Variants in DDX27 observed in about 807,000 individuals in gnomAD.
DDX27 encodes the protein probable ATP-dependent RNA helicase DDX27.
In DDX27, 42 loss-of-function variants were observed where a neutral mutation model predicts 99.3. The observed-to-expected ratio is 0.42, with a 90% CI of 0.33 to 0.55. DDX27 has a LOEUF of 0.55. Ranked by LOEUF, DDX27 falls within the 20% of genes least tolerant of loss-of-function variation. DDX27 has a pLI of 0.07. For missense variants in DDX27, 798 were observed against 976.8 expected (o/e 0.82, Z 2.44); for synonymous variants, 329 against 353.8 (o/e 0.93, Z 0.79).
intron 1 of DDX27, among the ~76,000 whole-genome samples, chr20:49,220,943 G>A (rs1254068503): frequency 1.3e-5 from 2 of 152,044 alleles, no homozygotes; most frequent in Non-Finnish European, 2.9e-5. Context: ...TCCTCTTCAT[G>A]ACCAACACTC....
At chr20:49,227,577 G>T (rs1012032325) in intron 7 of DDX27, among the ~76,000 whole-genome samples, 1 of 152,068 alleles carries the variant, frequency 6.6e-6, no homozygotes, top group African/African-American at 2.4e-5. Context: ...ATGTTGGCCA[G>T]GCTGGTCTCG....
At chr20:49,222,403 G>A (rs1979721662) in intron 2 of DDX27, among the ~76,000 whole-genome samples, 1 of 152,050 alleles carries the variant, frequency 6.6e-6, no homozygotes, top group South Asian at 2.1e-4. Context: ...TCTGCCTCCT[G>A]GGTTCAAGCG....
At position 49,223,310 on chromosome 20, in the gene DDX27, G is replaced by A. The variant is rs765977232; in HGVS notation, c.343G>A (p.Ala115Thr). ...KSGKLEKEKE[A>T]KEGSEPKEQE... ...TGGGAAGTTGGAAAAGGAGAAAGAA[G>A]CAAAGGAAGGCTCTGAACCAAAGGA... The change falls in exon 4 of 21, where the codon GCA becomes ACA. Residue 115 changes from alanine to threonine, a missense_variant. Transcript: ENST00000618172. 1.2e-6 allele frequency: 2 copies of A among 1,613,594 alleles called. No individual in the cohort carries two copies. Among genetic ancestry groups the A allele is most frequent in the South Asian group, 1.1e-5 (1 of 90,976 alleles).
chr20:49,231,035 C>T (rs1980092542), intron 9 of DDX27: 1 of 152,418 alleles, frequency 6.6e-6, no homozygotes, highest in Non-Finnish European at 1.5e-5. Flanking sequence ...CGCCTGTCGA[C>T]ACAGCCTGGC....
intron 14 of DDX27, among the ~76,000 whole-genome samples, chr20:49,237,058 G>A (rs1253214073): frequency 6.6e-6 from 1 of 152,146 alleles, no homozygotes; most frequent in East Asian, 1.9e-4. Context: ...TTTAGCCTGA[G>A]CATGGTAGCT....
rs554719102 is a variant in DDX27, at chr20:49,237,020, A to T, written c.1687+510A>T. On this transcript the variant is annotated intron_variant, in intron 14 of 20. Transcript: ENST00000618172. ...TGAGCCACCATGCCCAGCCTTAAAAATTTTTAAAGTTATAAAAATAATACA... is the reference window on the plus strand; with the variant it reads ...TGAGCCACCATGCCCAGCCTTAAAATTTTTTAAAGTTATAAAAATAATACA... 2.6e-5 allele frequency among the ~76,000 whole-genome samples: 4 copies of T among 152,322 alleles called. No homozygotes were observed. The South Asian group carries it at 6.2e-4, about 24-fold the overall frequency.
Position 49,223,300 on chromosome 20 carries a change from G to A in DDX27, c.333G>A (p.Lys111=). 1.2e-6 allele frequency: 2 copies of A among 1,612,684 alleles called. No individual in the cohort carries two copies. Among genetic ancestry groups the A allele is most frequent in the South Asian group, 2.2e-5 (2 of 90,766 alleles). Residue 111 remains lysine (K), a synonymous_variant, in exon 4 of 21, where the codon AAG becomes AAA. Coordinates refer to ENST00000618172, the MANE Select transcript of DDX27 (RefSeq NM_017895.8). ...AAGCCAAGTCTGGGAAGTTGGAAAA[G>A]GAGAAAGAAGCAAAGGAAGGCTCTG... The part of the protein sequence containing the change: ...DKEAKSGKLE[K]EKEAKEGSEP...
At chr20:49,239,929 G>C (rs1980424356) in intron 16 of DDX27, among the ~76,000 whole-genome samples, 1 of 152,322 alleles carries the variant, frequency 6.6e-6, no homozygotes, top group East Asian at 1.9e-4. Flanking sequence ...GATGAACCTT[G>C]AAAATCTTAA....
At position 49,222,309 on chromosome 20, in the gene DDX27, G is replaced by GT. The variant is rs200145978; in HGVS notation, c.241-639dup. On this transcript the variant is annotated intron_variant, in intron 2 of 20. Coordinates refer to ENST00000618172, the MANE Select transcript of DDX27 (RefSeq NM_017895.8). ...CACCACGCCCAGCTAATTTTTTGTA[G>GT]TTTTTTTTTGTTGTTTTTGAGATGG... 8.0e-3 allele frequency among the ~76,000 whole-genome samples: 1,189 copies of GT among 147,904 alleles called. 13 individuals are homozygous for GT. Among genetic ancestry groups the GT allele is most frequent in the African/African-American group, 0.027 (1,076 of 40,350 alleles).
Position 49,239,312 on chromosome 20 carries a change from C to T in DDX27, c.1871C>T (p.Thr624Ile), listed in dbSNP as rs1200737211. 1 of 1,612,146 alleles carries T rather than the reference C, an allele frequency of 6.2e-7. No individual in the cohort carries two copies. The highest frequency in any genetic ancestry group is 1.3e-5 in the African/African-American group (1 of 74,778). The change falls in exon 16 of 21, where the codon ACC becomes ATC. Residue 624 changes from threonine to isoleucine, a missense_variant. Transcript: ENST00000618172. ...VQEPERSWFQ[T>I]KEERKKEKIA... ...GAGCCCGAGAGGAGCTGGTTCCAGA[C>T]CAAAGAAGAGAGGAAGAAGGAGAAA...
chr20:49,223,498 T>C (rs1438269560), intron 4 of DDX27, 65 bp downstream of exon 4: 7 of 1,475,170 alleles, frequency 4.7e-6, no homozygotes, highest in Non-Finnish European at 6.4e-6. Flanking sequence ...TCCTTTACTT[T>C]GTAGGGTTTC....
At chr20:49,223,565 T>C (rs2146706234) in intron 4 of DDX27, 132 bp downstream of exon 4, 2 of 739,712 alleles carry the variant, frequency 2.7e-6, no homozygotes, top group South Asian at 5.9e-5. Flanking sequence ...ATTGAACTCC[T>C]TTCTTTCTTT....
intron 7 of DDX27, among the ~76,000 whole-genome samples, chr20:49,227,291 G>A (rs956049983): frequency 6.6e-6 from 1 of 152,218 alleles, no homozygotes; most frequent in African/African-American, 2.4e-5. Context: ...ATAACTGTAG[G>A]ACAAAATCAA....
intron 12 of DDX27, 200 bp downstream of exon 12, chr20:49,235,288 A>T (rs761652219): frequency 3.3e-5 from 17 of 509,602 alleles, no homozygotes; most frequent in Middle Eastern, 5.2e-4. Flanking sequence ...GTCAGAGATG[A>T]CCCTCATGTC....
At position 49,228,708 on chromosome 20, in the gene DDX27, C is replaced by T. The variant is rs139155728; in HGVS notation, c.707-7C>T. Reference sequence around the variant, plus strand: ...TCTCATTGCTTCCTTGCTGTCCCTCCCTCCAGGTAAAACTGCCGCCTTTGC... The same window carrying T: ...TCTCATTGCTTCCTTGCTGTCCCTCTCTCCAGGTAAAACTGCCGCCTTTGC... On this transcript the variant is annotated splice_region_variant and splice_polypyrimidine_tract_variant and intron_variant, in intron 7 of 20. Transcript: ENST00000618172. 65 of 1,585,950 alleles carry T rather than the reference C, an allele frequency of 4.1e-5. No homozygotes were observed. In the East Asian group the frequency reaches 1.3e-3, roughly 33 times the overall value.
intron 8 of DDX27, among the ~76,000 whole-genome samples, chr20:49,229,965 G>C (rs898582057): frequency 6.6e-6 from 1 of 152,188 alleles, no homozygotes; most frequent in African/African-American, 2.4e-5. Flanking sequence ...ATTCTCTTCT[G>C]AAGTGCTTTT....
rs1980205740 is a variant in DDX27 at position 49,233,673 on chromosome 20, C to T, written c.1237C>T (p.Pro413Ser). The change falls in exon 11 of 21, where the codon CCT becomes TCT. Residue 413 changes from proline (P) to serine (S), a missense_variant. By Grantham distance (74) the Pro-to-Ser change is moderately conservative (BLOSUM62 -1). Around this residue, in one of 2 missense-constraint regions of DDX27, gnomAD observed 553 missense variants for 727.9 expected, o/e 0.76. Coordinates refer to ENST00000618172, the MANE Select transcript of DDX27 (RefSeq NM_017895.8). ...GCGGCAGGAGTTCATCCGGATCCGGCCTAATCGTGAAGGAGACCGGGAAGC... is the reference window on the plus strand; with the variant it reads ...GCGGCAGGAGTTCATCCGGATCCGGTCTAATCGTGAAGGAGACCGGGAAGC... ...FLRQEFIRIR[P>S]NREGDREAIV... 6.2e-7 allele frequency: 1 copy of T among 1,613,826 alleles called. No homozygotes were observed. The highest frequency in any genetic ancestry group is 1.1e-5 in the South Asian group (1 of 91,084).
chr20:49,236,087 G>A lies in DDX27; in HGVS notation c.1428-63G>A. 1.3e-6 allele frequency: 2 copies of A among 1,489,896 alleles called. No homozygotes were observed. The highest frequency in any genetic ancestry group is 1.8e-6 in the Non-Finnish European group (2 of 1,089,204). The allele number at this position is 1,489,896 out of a possible 1,614,324, so 92.3% of individuals were successfully genotyped here. ...CCTGTTCTGTCCTCTGCTGGCTCAG[G>A]CTCTTGTGGAGCATTATTAGGGGAG... On this transcript the variant is annotated intron_variant, in intron 12 of 20. Transcript: ENST00000618172. The surrounding 1 kb of genome is among the most constrained non-coding windows in gnomAD (Gnocchi z 4.1).
intron 1 of DDX27, among the ~76,000 whole-genome samples, chr20:49,219,793 A>G (rs978018534): frequency 6.6e-6 from 1 of 151,998 alleles, no homozygotes; most frequent in Admixed American, 6.6e-5. Context: ...CTGATATTTA[A>G]CCACGCCCTG....
Sources: gnomAD v4.1 joint callset for allele counts (sites outside exome capture counted in the v4.1 genomes callset) on GRCh38, gnomAD v4.1.1 for gene constraint, gnomAD v4.1.1 regional missense constraint, Gnocchi (gnomAD v3.1) non-coding constraint, MANE v1.5 for transcripts, NCBI Gene and HGNC (gene_info 2026-07-23, HGNC 2026-07-21) for gene names.